MIA3: variants seen among roughly 807,000 people sequenced by gnomAD.
MIA3 encodes the protein transport and Golgi organization protein 1 homolog.
Under a neutral mutation model 192.4 loss-of-function variants are expected in MIA3, and 90 were observed. The ratio of observed to expected loss-of-function variants is 0.47; its 90% CI spans 0.39 to 0.56. MIA3 has a LOEUF of 0.56. Ranked by LOEUF, MIA3 falls within the 20% of genes least tolerant of loss-of-function variation. The pLI is 0.00. For synonymous variants in MIA3, 740 were observed against 792.8 expected (o/e 0.93, Z 1.12); for missense variants, 2,123 against 2,269.4 (o/e 0.94, Z 1.31).
At chr1:222,634,674 G>A (rs1161710557) in intron 6 of MIA3, among the ~76,000 whole-genome samples, 1 of 152,150 alleles carries the variant, frequency 6.6e-6, no homozygotes, top group South Asian at 2.1e-4. Flanking sequence ...CTTGAAGTTG[G>A]AGGCCAGGTT....
intron 1 of MIA3, among the ~76,000 whole-genome samples, chr1:222,618,882 G>C (rs1218188795): frequency 1.3e-5 from 2 of 152,198 alleles, no homozygotes; most frequent in African/African-American, 4.8e-5. Flanking sequence ...GACGAGTCTG[G>C]AGTCCAAGCA....
In MIA3 at chr1:222,659,746, G is replaced by A. The variant is rs761140508; in HGVS notation, c.4819G>A (p.Ala1607Thr). ...KAHENWLKARAAERAIAEEKR... is the reference protein window; with the variant it reads ...KAHENWLKARTAERAIAEEKR... ...TTTTCTTCAATAGCTCAAAGCTCGT[G>A]CTGCAGAAAGAGCTATAGCTGAAGA... The change falls in exon 22 of 28, where the codon GCT (alanine) becomes ACT (threonine). Residue 1607 changes from alanine to threonine, a missense_variant. Physicochemically the swap from Ala to Thr is moderately conservative, Grantham distance 58. Around this residue, in one of 3 missense-constraint regions of MIA3, gnomAD observed 762 missense variants for 856.4 expected, o/e 0.89. Coordinates refer to ENST00000344922, the MANE Select transcript of MIA3 (RefSeq NM_198551.4). 24 of 1,613,934 alleles carry A rather than the reference G, an allele frequency of 1.5e-5. No homozygotes were observed. The highest frequency in any genetic ancestry group is 5.1e-6 in the Non-Finnish European group (6 of 1,179,972).
intron 7 of MIA3, 89 bp downstream of exon 7, chr1:222,645,774 G>T: frequency 8.6e-7 from 1 of 1,157,412 alleles, no homozygotes; most frequent in East Asian, 2.6e-5. Context: ...TTTCTAATAT[G>T]AACAGAAATT....
At chr1:222,661,723 TA>T (rs1283900356) in intron 24 of MIA3, among the ~76,000 whole-genome samples, 1 of 152,200 alleles carries the variant, frequency 6.6e-6, no homozygotes, top group Non-Finnish European at 1.5e-5. Flanking sequence ...TTTTGAATCC[TA>T]AATATGTCTA....
At chr1:222,644,881 G>T (rs1446675555) in intron 6 of MIA3, among the ~76,000 whole-genome samples, 8 of 151,892 alleles carry the variant, frequency 5.3e-5, no homozygotes, top group Non-Finnish European at 1.0e-4. Flanking sequence ...CATAACCCCC[G>T]GCTCTGTTGT....
intron 3 of MIA3, among the ~76,000 whole-genome samples, chr1:222,625,176 A>G (rs982524575): frequency 1.3e-5 from 2 of 151,782 alleles, no homozygotes; most frequent in Non-Finnish European, 2.9e-5. Flanking sequence ...CGCCTGGCTA[A>G]TTTTTTGTAT....
In MIA3 at chr1:222,629,327, G is replaced by A. The variant is rs200420941; in HGVS notation, c.2107G>A (p.Gly703Arg). The change falls in exon 4 of 28, where the codon GGA (glycine) becomes AGA (arginine). Residue 703 changes from glycine (G) to arginine (R), a missense_variant. This residue lies in a region of MIA3 where 1,357 missense variants were observed against 1,396.1 expected (regional missense o/e 0.97). Transcript: ENST00000344922. ...HHKAMQGTEVGQTDQTDSTGG... is the reference protein window; with the variant it reads ...HHKAMQGTEVRQTDQTDSTGG... ...CAAGGCAATGCAGGGCACAGAGGTA[G>A]GACAGACAGACCAAACTGACAGCAC... 125 of 1,614,066 alleles carry A rather than the reference G, an allele frequency of 7.7e-5. No homozygotes were observed. In the African/African-American group the frequency reaches 1.2e-3, roughly 16 times the overall value.
intron 6 of MIA3, among the ~76,000 whole-genome samples, chr1:222,636,369 T>C (rs1662622604): frequency 6.6e-6 from 1 of 152,174 alleles, no homozygotes; most frequent in Admixed American, 6.5e-5. Context: ...CTTACAGTTG[T>C]TCTTTTTTCC....
At chr1:222,647,924 AATT>A (rs1372771582) in intron 7 of MIA3, 11 of 386,534 alleles carry the variant, frequency 2.8e-5, no homozygotes, top group Admixed American at 1.1e-4. Flanking sequence ...ACAGTATATT[AATT>A]ATTGTATACA....
At chr1:222,635,736 A>C (rs1037392185) in intron 6 of MIA3, among the ~76,000 whole-genome samples, 2 of 152,180 alleles carry the variant, frequency 1.3e-5, no homozygotes, top group East Asian at 1.9e-4. Flanking sequence ...TAATTGATGA[A>C]TAGTTAGTGG....
chr1:222,626,311 A>G (rs1662116638), intron 3 of MIA3, among the ~76,000 whole-genome samples: 1 of 152,018 alleles, frequency 6.6e-6, no homozygotes, highest in South Asian at 2.1e-4. Context: ...ACTGCCCGGG[A>G]TTTGAGTGTG....
At chr1:222,647,027 A>G (rs77390994) in intron 7 of MIA3, among the ~76,000 whole-genome samples, 62 of 152,342 alleles carry the variant, frequency 4.1e-4, no homozygotes, top group African/African-American at 1.4e-3. Flanking sequence ...GAAATACAAT[A>G]AAATGATAAA....
At position 222,629,084 on chromosome 1, in the gene MIA3, T is replaced by C. The variant is rs2124843466; in HGVS notation, c.1864T>C (p.Leu622=). 6.2e-7 allele frequency: 1 copy of C among 1,614,186 alleles called. No individual in the cohort carries two copies. Among genetic ancestry groups the C allele is most frequent in the East Asian group, 2.2e-5 (1 of 44,882 alleles). ...EHQREELKEE[L]VLKTQNQPRF... is the part of the protein sequence containing the mutation. ...TCAACGTGAGGAATTGAAAGAGGAA[T>C]TAGTTCTTAAAACTCAAAACCAACC... is the stretch of plus-strand genomic sequence containing the variant. Residue 622 remains leucine, a synonymous_variant, in exon 4 of 28, where the codon TTA becomes CTA. Coordinates refer to ENST00000344922, the MANE Select transcript of MIA3 (RefSeq NM_198551.4).
chr1:222,643,222 G>A (rs559402171), intron 6 of MIA3, among the ~76,000 whole-genome samples: 1 of 152,246 alleles, frequency 6.6e-6, no homozygotes, highest in East Asian at 1.9e-4. Context: ...TATGAACAAT[G>A]AGAAAAAGAT....
intron 27 of MIA3, chr1:222,664,899 A>G (rs1355515320): frequency 2.1e-6 from 1 of 467,692 alleles, no homozygotes. Flanking sequence ...ATGGCAGGCC[A>G]GGCACAGTGG....
chr1:222,645,875 C>A, intron 7 of MIA3, 190 bp downstream of exon 7: 1 of 520,058 alleles, frequency 1.9e-6, no homozygotes, highest in African/African-American at 2.0e-5. Flanking sequence ...CATGTATAAT[C>A]TCAGTGGGAA....
rs974937473 is a variant in MIA3 at position 222,659,608 on chromosome 1, A to C, written c.4771-14A>C. 1.9e-6 allele frequency: 3 copies of C among 1,613,658 alleles called. No individual in the cohort carries two copies. In the African/African-American group the frequency reaches 4.0e-5, roughly 22 times the overall value. On this transcript the variant is annotated splice_polypyrimidine_tract_variant and intron_variant, in intron 20 of 27. Coordinates refer to ENST00000344922, the MANE Select transcript of MIA3 (RefSeq NM_198551.4). ...AATCTGTATGCATATTTTGTGATGT[A>C]TTATCTTTTTCAGATCGCTACCCAT... is the stretch of plus-strand genomic sequence containing the variant.
At chr1:222,652,472 T>G in intron 13 of MIA3, 140 bp downstream of exon 13, 1 of 635,420 alleles carries the variant, frequency 1.6e-6, no homozygotes, top group Non-Finnish European at 2.8e-6. Flanking sequence ...TAAACTATGC[T>G]TCCAAAATTG....
rs113612515 is a variant in MIA3 at position 222,650,687 on chromosome 1, C to A, written c.3774C>A (p.Leu1258=). The A allele has an allele frequency of 6.3e-7, 1 of 1,599,164 alleles. No individual in the cohort carries two copies. The highest frequency in any genetic ancestry group is 1.1e-5 in the South Asian group (1 of 88,654). Residue 1258 remains leucine, a synonymous_variant, in exon 10 of 28, where the codon CTC becomes CTA. Coordinates refer to ENST00000344922, the MANE Select transcript of MIA3 (RefSeq NM_198551.4). ...AAACCAGGAAACAAAATATGATTCT[C>A]TCTGATGAAGCAATTAAATATAAGG... ...VQETRKQNMI[L]SDEAIKYKDK...
Sources: gnomAD v4.1 joint callset for allele counts (sites outside exome capture counted in the v4.1 genomes callset) on GRCh38, gnomAD v4.1.1 for gene constraint, gnomAD v4.1.1 regional missense constraint, MANE v1.5 for transcripts, NCBI Gene and HGNC (gene_info 2026-07-23, HGNC 2026-07-21) for gene names.